Variants in BRIP1 observed in about 807,000 individuals in gnomAD.
BRIP1 encodes the protein BRCA1 interacting DNA helicase 1, also known as Fanconi anemia group J protein.
A neutral mutation model predicts 119.7 loss-of-function variants in BRIP1; 88 were observed. The ratio of observed to expected loss-of-function variants is 0.74; its 90% CI spans 0.62 to 0.88. The LOEUF is 0.88. Among genes scored for constraint, BRIP1 ranks in the 40% least tolerant of loss-of-function variants. BRIP1 has a pLI of 0.00. For missense variants in BRIP1, 1,259 were observed against 1,455.4 expected (o/e 0.87, Z 2.20); for synonymous variants, 443 against 496.5 (o/e 0.89, Z 1.43).
intron 6 of BRIP1, among the ~76,000 whole-genome samples, chr17:61,838,469 C>G (rs1198851020): frequency 2.6e-5 from 4 of 151,822 alleles, no homozygotes; most frequent in African/African-American, 9.6e-5. Context: ...CGGTGTGAAC[C>G]CAGGAGGCGG....
chr17:61,754,164 T>C lies in BRIP1; in HGVS notation c.2098-9573A>G, dbSNP rs2077170570. ...AACTAAGTTTAAACCCTCCAATGGC[T>C]TCCTACTGCATTTAGAACAAAATCT... On this transcript the variant is annotated intron_variant, in intron 14 of 19. Coordinates refer to ENST00000259008, the MANE Select transcript of BRIP1 (RefSeq NM_032043.3). This position sits in a 1 kb window ranked among gnomAD's most constrained non-coding sequence, Gnocchi z 4.1. 6.6e-6 allele frequency among the ~76,000 whole-genome samples: 1 copy of C among 152,192 alleles called. No homozygotes were observed. Among genetic ancestry groups the C allele is most frequent in the South Asian group, 2.1e-4 (1 of 4,822 alleles).
chr17:61,714,345 A>C (rs1409630011), intron 17 of BRIP1, among the ~76,000 whole-genome samples: 1 of 152,176 alleles, frequency 6.6e-6, no homozygotes, highest in African/African-American at 2.4e-5. Flanking sequence ...ATTCGTGGTA[A>C]GTGCCATATA....
chr17:61,780,733 A>G lies in BRIP1; in HGVS notation c.1794+107T>C, dbSNP rs2077604143. On this transcript the variant is annotated intron_variant, in intron 12 of 19. Coordinates refer to ENST00000259008, the MANE Select transcript of BRIP1 (RefSeq NM_032043.3). The surrounding 1 kb of genome is among the most constrained non-coding windows in gnomAD (Gnocchi z 5.4). ...AAGAGCAAGACCCTGCCTCAAAACA[A>G]CAACAACAACAACAACAAACAACTA... is the stretch of plus-strand genomic sequence containing the variant. 1 of 1,351,714 alleles carries G rather than the reference A, an allele frequency of 7.4e-7. No homozygotes were observed. Among genetic ancestry groups the G allele is most frequent in the African/African-American group, 1.4e-5 (1 of 69,392 alleles). The allele number at this position is 1,351,714 out of a possible 1,614,324, so 83.7% of individuals were successfully genotyped here.
In BRIP1 at chr17:61,756,713, A is replaced by G. The variant is rs537547448; in HGVS notation, c.2098-12122T>C. 6.6e-6 allele frequency among the ~76,000 whole-genome samples: 1 copy of G among 152,196 alleles called. No homozygotes were observed. Among genetic ancestry groups the G allele is most frequent in the African/African-American group, 2.4e-5 (1 of 41,458 alleles). On this transcript the variant is annotated intron_variant, in intron 14 of 19. Coordinates refer to ENST00000259008, the MANE Select transcript of BRIP1 (RefSeq NM_032043.3). The surrounding 1 kb of genome is among the most constrained non-coding windows in gnomAD (Gnocchi z 4.3). ...TTTGCTCAATGTCCATAGCTTTTAC[A>G]CAGTTCCAGATGTTCAGTACATTAA...
intron 10 of BRIP1, among the ~76,000 whole-genome samples, chr17:61,786,246 C>T (rs546519056): frequency 6.1e-4 from 92 of 151,434 alleles, no homozygotes; most frequent in Non-Finnish European, 1.2e-3. Flanking sequence ...TGAGTGTGTG[C>T]GTGTCTAAAG....
At position 61,681,431 on chromosome 17, in the gene BRIP1, A is replaced by G. The variant is rs1356332875; in HGVS notation, c.*1865T>C. The G allele has an allele frequency of 4.7e-6, 1 of 211,618 alleles. No individual in the cohort carries two copies. The highest frequency in any genetic ancestry group is 5.9e-5 in the Admixed American group (1 of 16,980). 13.1% of individuals were successfully genotyped at this position (211,618 alleles called of 1,614,324 possible). ...CCGCTGCATTTTACAGATGAAACTA[A>G]TTCCCTGAAGGGTGTGGTGATTGCC... On this transcript the variant is annotated 3_prime_UTR_variant, in exon 20 of 20. Transcript: ENST00000259008. This position sits in a 1 kb window ranked among gnomAD's most constrained non-coding sequence, Gnocchi z 5.1.
rs876659282 is a variant in BRIP1, at chr17:61,799,235, G to A, written c.1205C>T (p.Ala402Val). The change falls in exon 9 of 20, where the codon GCT (alanine) becomes GTT (valine). Residue 402 changes from alanine to valine, a missense_variant. Physicochemically the swap from Ala to Val is moderately conservative, Grantham distance 64. Coordinates refer to ENST00000259008, the MANE Select transcript of BRIP1 (RefSeq NM_032043.3). The surrounding 1 kb of genome is among the most constrained non-coding windows in gnomAD (Gnocchi z 5.1). ...TACACTGTAACTTGCTGATTCCCGA[G>A]CACAGTCCTCGATGTTATGAGCTTC... is the stretch of plus-strand genomic sequence containing the variant. ...LDEAHNIEDC[A>V]RESASYSVTE... The A allele has an allele frequency of 6.2e-7, 1 of 1,613,544 alleles. No individual in the cohort carries two copies. Among genetic ancestry groups the A allele is most frequent in the South Asian group, 1.1e-5 (1 of 91,066 alleles).
rs2077501698 is a variant in BRIP1, at chr17:61,774,300, C to T, written c.2097+2101G>A. On this transcript the variant is annotated intron_variant, in intron 14 of 19. Transcript: ENST00000259008. The surrounding 1 kb of genome is among the most constrained non-coding windows in gnomAD (Gnocchi z 5.8). ...GTCCTTTGCAGGGACATGGATGAAG[C>T]TGGAAACCATCATTCTCAGCAAACT... is the stretch of plus-strand genomic sequence containing the variant. Among the ~76,000 whole-genome samples, 1 of 152,092 alleles carries T rather than the reference C, an allele frequency of 6.6e-6. No homozygotes were observed. The highest frequency in any genetic ancestry group is 2.1e-4 in the South Asian group (1 of 4,820).
rs57246896 is a variant in BRIP1, at chr17:61,725,122, AGTGT to A, written c.2380-9063_2380-9060del. Among the ~76,000 whole-genome samples the A allele has an allele frequency of 1.2e-4, 18 of 151,320 alleles. No homozygotes were observed. Among genetic ancestry groups the A allele is most frequent in the East Asian group, 9.7e-4 (5 of 5,164 alleles). ...AGATTTCTGACACAGTTAACCAAAT[AGTGT>A]GTGTGTGTGTGTGTGTGTGTATATA... On this transcript the variant is annotated intron_variant, in intron 16 of 19. Transcript: ENST00000259008. This position sits in a 1 kb window ranked among gnomAD's most constrained non-coding sequence, Gnocchi z 5.3.
In BRIP1 at chr17:61,770,510, A is replaced by AT. The variant is rs913869245; in HGVS notation, c.2097+5890dup. The stretch of plus-strand genomic sequence containing the variant: ...CAATATAAAATGTATTCTGTTTTTA[A>AT]TTTTTTTTATCTGATTTGAAAGTCA... On this transcript the variant is annotated intron_variant, in intron 14 of 19. Coordinates refer to ENST00000259008, the MANE Select transcript of BRIP1 (RefSeq NM_032043.3). The surrounding 1 kb of genome is among the most constrained non-coding windows in gnomAD (Gnocchi z 4.7). 1.3e-5 allele frequency among the ~76,000 whole-genome samples: 2 copies of AT among 152,072 alleles called. No homozygotes were observed. The highest frequency in any genetic ancestry group is 1.3e-4 in the Admixed American group (2 of 15,250).
At chr17:61,766,808 G>A (rs2077380357) in intron 14 of BRIP1, among the ~76,000 whole-genome samples, 1 of 151,920 alleles carries the variant, frequency 6.6e-6, no homozygotes, top group Admixed American at 6.6e-5. Flanking sequence ...TGAATAAAAA[G>A]ATCCAACTTG....
Position 61,769,993 on chromosome 17 carries a change from T to C in BRIP1, c.2097+6408A>G, listed in dbSNP as rs2077424616. Among the ~76,000 whole-genome samples the C allele has an allele frequency of 6.6e-6, 1 of 152,144 alleles. No homozygotes were observed. Among genetic ancestry groups the C allele is most frequent in the East Asian group, 1.9e-4 (1 of 5,200 alleles). On this transcript the variant is annotated intron_variant, in intron 14 of 19. Coordinates refer to ENST00000259008, the MANE Select transcript of BRIP1 (RefSeq NM_032043.3). The surrounding 1 kb of genome is among the most constrained non-coding windows in gnomAD (Gnocchi z 4.9). ...AAAGAGCCAAGAAAAACCCTACTGT[T>C]TCGGGCAGGAGGAGGGAAAAAAACA...
chr17:61,728,382 A>G (rs2076798767), intron 16 of BRIP1, among the ~76,000 whole-genome samples: 1 of 152,152 alleles, frequency 6.6e-6, no homozygotes, highest in Admixed American at 6.5e-5. Context: ...TTTAAATTAA[A>G]AGACAAATAG....
At position 61,824,260 on chromosome 17, in the gene BRIP1, C is replaced by T. The variant is rs371667132; in HGVS notation, c.628-15503G>A. Among the ~76,000 whole-genome samples, 50 of 152,196 alleles carry T rather than the reference C, an allele frequency of 3.3e-4. 3 individuals are homozygous for T. Among genetic ancestry groups the T allele is most frequent in the East Asian group, 2.7e-3 (14 of 5,182 alleles). ...AGTGAAAATGTGTTTCAAAACAAAGCGACGGTTCCTATCAATAACCCAATG... is the reference window on the plus strand; with the variant it reads ...AGTGAAAATGTGTTTCAAAACAAAGTGACGGTTCCTATCAATAACCCAATG... On this transcript the variant is annotated intron_variant, in intron 6 of 19. Transcript: ENST00000259008. The surrounding 1 kb of genome is among the most constrained non-coding windows in gnomAD (Gnocchi z 4.3).
In BRIP1 at chr17:61,687,751, CT is replaced by C. The variant is rs1392594540; in HGVS notation, c.2576-1587del. The stretch of plus-strand genomic sequence containing the variant: ...ATCGAGTGAGAAAAAAATGATACTA[CT>C]GCCTGCATCAAAGCGGTAGGAAAAT... On this transcript the variant is annotated intron_variant, in intron 18 of 19. Transcript: ENST00000259008. The surrounding 1 kb of genome is among the most constrained non-coding windows in gnomAD (Gnocchi z 5.1). 6.6e-6 allele frequency among the ~76,000 whole-genome samples: 1 copy of C among 152,146 alleles called. No homozygotes were observed. Among genetic ancestry groups the C allele is most frequent in the African/African-American group, 2.4e-5 (1 of 41,430 alleles).
chr17:61,691,541 C>T lies in BRIP1; in HGVS notation c.2575+1889G>A, dbSNP rs1422368466. ...CGCGGTCTTGGCTCACTGCAACCTC[C>T]GCCTCCCAGGTTCAAGCCATTCTCC... On this transcript the variant is annotated intron_variant, in intron 18 of 19. Transcript: ENST00000259008. The surrounding 1 kb of genome is among the most constrained non-coding windows in gnomAD (Gnocchi z 5.0). 2.0e-5 allele frequency among the ~76,000 whole-genome samples: 3 copies of T among 152,056 alleles called. No homozygotes were observed. The highest frequency in any genetic ancestry group is 1.9e-4 in the East Asian group (1 of 5,170).
chr17:61,769,960 C>T lies in BRIP1; in HGVS notation c.2097+6441G>A, dbSNP rs1456381975. Reference sequence around the variant, plus strand: ...TTACCTCTAAAAATCCCACCAGGTTCCCACAGTAAAGAGCCAAGAAAAACC... The same window carrying T: ...TTACCTCTAAAAATCCCACCAGGTTTCCACAGTAAAGAGCCAAGAAAAACC... On this transcript the variant is annotated intron_variant, in intron 14 of 19. Coordinates refer to ENST00000259008, the MANE Select transcript of BRIP1 (RefSeq NM_032043.3). This position sits in a 1 kb window ranked among gnomAD's most constrained non-coding sequence, Gnocchi z 4.9. Among the ~76,000 whole-genome samples the T allele has an allele frequency of 2.6e-5, 4 of 152,154 alleles. No homozygotes were observed. Among genetic ancestry groups the T allele is most frequent in the Non-Finnish European group, 5.9e-5 (4 of 68,030 alleles).
intron 10 of BRIP1, among the ~76,000 whole-genome samples, chr17:61,790,832 G>A (rs2077805373): frequency 6.6e-6 from 1 of 151,762 alleles, no homozygotes; most frequent in Non-Finnish European, 1.5e-5. Flanking sequence ...GGTCTTTGTT[G>A]CCCAGGCTGG....
rs1182255325 is a variant in BRIP1 at position 61,767,485 on chromosome 17, G to C, written c.2097+8916C>G. Among the ~76,000 whole-genome samples, 1 of 152,034 alleles carries C rather than the reference G, an allele frequency of 6.6e-6. No homozygotes were observed. The highest frequency in any genetic ancestry group is 6.6e-5 in the Admixed American group (1 of 15,244). ...ACACTGGGTCTCTCTATGTTACCCA[G>C]GCTGGTCTTGAACATCTGGCCTCAA... On this transcript the variant is annotated intron_variant, in intron 14 of 19. Coordinates refer to ENST00000259008, the MANE Select transcript of BRIP1 (RefSeq NM_032043.3). This position sits in a 1 kb window ranked among gnomAD's most constrained non-coding sequence, Gnocchi z 5.7.
Sources: allele counts gnomAD v4.1 joint callset (sites outside exome capture counted in the v4.1 genomes callset), GRCh38; gene constraint gnomAD v4.1.1; non-coding constraint Gnocchi (gnomAD v3.1); transcripts MANE v1.5; gene names NCBI Gene and HGNC (gene_info 2026-07-23, HGNC 2026-07-21).